The following GRIK4 variants were observed in gnomAD, a reference collection of about 807,000 sequenced individuals.
GRIK4 encodes glutamate ionotropic receptor kainate type subunit 4.
In GRIK4, 40 loss-of-function variants were observed where a neutral mutation model predicts 104.9. That is an observed-to-expected ratio of 0.38 (90% CI 0.30 to 0.50). The LOEUF (loss-of-function observed/expected upper bound fraction) is 0.50, where lower values mean the gene tolerates loss of function less well. Ranked by LOEUF, GRIK4 falls within the 20% of genes least tolerant of loss-of-function variation. The probability of loss-of-function intolerance (pLI) is 0.93; values close to 1 mark genes in which losing one functional copy is unlikely to be tolerated. For synonymous variants in GRIK4, 485 were observed against 524.9 expected, an observed-to-expected ratio of 0.92 and a Z score of 1.04; for missense variants, 1,047 against 1,308.1, an observed-to-expected ratio of 0.80 and a Z score of 3.08.
intron 1 of GRIK4, among the ~76,000 whole-genome samples, chr11:120,618,584 G>T (rs570107404): frequency 6.6e-6 from 1 of 152,216 alleles, no homozygotes; most frequent in Non-Finnish European, 1.5e-5. Context: ...AGGCCCAGAG[G>T]CCTAGGAGGA....
chr11:120,664,404 G>C (rs1173246257), intron 3 of GRIK4, among the ~76,000 whole-genome samples: 2 of 152,200 alleles, frequency 1.3e-5, no homozygotes, highest in African/African-American at 4.8e-5. Flanking sequence ...CAAGCACTGA[G>C]GATGCAGTGC....
At position 120,902,006 on chromosome 11, in the gene GRIK4, C is replaced by A. The variant is rs1447559418; in HGVS notation, c.1273-3284C>A. 3.3e-5 allele frequency among the ~76,000 whole-genome samples: 5 copies of A among 152,148 alleles called. No individual in the cohort carries two copies. Among genetic ancestry groups the A allele is most frequent in the Admixed American group, 3.3e-4 (5 of 15,274 alleles). ...GCGTGTGTGCCTACAGTGGCTGATCCAATTCGATAGCTCTTACCAGGAATG... is the reference window on the plus strand; with the variant it reads ...GCGTGTGTGCCTACAGTGGCTGATCAAATTCGATAGCTCTTACCAGGAATG... On this transcript the variant is annotated intron_variant, in intron 12 of 20. Transcript: ENST00000527524. The surrounding 1 kb of genome is among the most constrained non-coding windows in gnomAD (Gnocchi z 4.5).
intron 16 of GRIK4, among the ~76,000 whole-genome samples, chr11:120,958,082 C>T (rs1345186926): frequency 6.6e-6 from 1 of 152,228 alleles, no homozygotes; most frequent in Non-Finnish European, 1.5e-5. Context: ...CCACAACATC[C>T]GGGAACCTGG....
At chr11:120,897,627 AGAGTACATCTCATATTAAGTGTTCTTATC>A (rs1942621176) in intron 11 of GRIK4, among the ~76,000 whole-genome samples, 1 of 142,004 alleles carries the variant, frequency 7.0e-6, no homozygotes, top group Non-Finnish European at 1.5e-5. Flanking sequence ...AAAAAAAAAA[AGAGTACATCTCATATTAAGTGTTCTTATC>A]ACAATAAAAT....
At chr11:120,644,834 A>G (rs992247663) in intron 1 of GRIK4, among the ~76,000 whole-genome samples, 5 of 152,172 alleles carry the variant, frequency 3.3e-5, no homozygotes, top group African/African-American at 1.2e-4. Context: ...GAGCATGTTA[A>G]GAACTTGGTG....
chr11:120,708,450 C>A (rs1303303688), intron 3 of GRIK4, among the ~76,000 whole-genome samples: 1 of 152,138 alleles, frequency 6.6e-6, no homozygotes, highest in African/African-American at 2.4e-5. Context: ...CAGAAATAGC[C>A]TCCTACTTAA....
chr11:120,795,400 G>A (rs1952490871), intron 3 of GRIK4, among the ~76,000 whole-genome samples: 1 of 152,206 alleles, frequency 6.6e-6, no homozygotes. Flanking sequence ...TCCACCCTGC[G>A]GATCCCTGTG....
intron 1 of GRIK4, among the ~76,000 whole-genome samples, chr11:120,526,233 A>T (rs977301957): frequency 1.3e-5 from 2 of 151,720 alleles, no homozygotes; most frequent in African/African-American, 4.8e-5. Flanking sequence ...GGCAGGTCTC[A>T]CTCTGTCGCC....
chr11:120,513,330 C>T lies in GRIK4; in HGVS notation c.-159+1443C>T, dbSNP rs1028344493. Among the ~76,000 whole-genome samples, 1 of 152,054 alleles carries T rather than the reference C, an allele frequency of 6.6e-6. No homozygotes were observed. The highest frequency in any genetic ancestry group is 2.4e-5 in the African/African-American group (1 of 41,408). ...GCGTGGTATCTCCGGGGAGAGAGGCCGCCTGGGTTGGTAGTGGGCATCTGA... is the reference window on the plus strand; with the variant it reads ...GCGTGGTATCTCCGGGGAGAGAGGCTGCCTGGGTTGGTAGTGGGCATCTGA... On this transcript the variant is annotated intron_variant, in intron 1 of 20. Transcript: ENST00000527524. This position sits in a 1 kb window ranked among gnomAD's most constrained non-coding sequence, Gnocchi z 4.5.
intron 1 of GRIK4, among the ~76,000 whole-genome samples, chr11:120,624,617 AC>A (rs1268290798): frequency 6.6e-6 from 1 of 152,134 alleles, no homozygotes. Flanking sequence ...TCTGCAAGAC[AC>A]AATTGCAAGA....
intron 13 of GRIK4, among the ~76,000 whole-genome samples, chr11:120,922,479 C>T (rs1943245875): frequency 6.6e-6 from 1 of 152,226 alleles, no homozygotes; most frequent in Non-Finnish European, 1.5e-5. Context: ...AGTCCTGCTT[C>T]AAAGAATTCC....
intron 1 of GRIK4, among the ~76,000 whole-genome samples, chr11:120,551,178 G>A (rs1476119327): frequency 6.6e-6 from 1 of 152,132 alleles, no homozygotes; most frequent in Non-Finnish European, 1.5e-5. Flanking sequence ...GGTAGATTTG[G>A]TGGTGGGAAG....
chr11:120,744,481 A>T (rs887703184), intron 3 of GRIK4, among the ~76,000 whole-genome samples: 1 of 152,238 alleles, frequency 6.6e-6, no homozygotes, highest in African/African-American at 2.4e-5. Context: ...GCGTACAAGA[A>T]GGACAACAGG....
Position 120,649,135 on chromosome 11 carries a change from G to A in GRIK4, c.-158-4550G>A, listed in dbSNP as rs567487639. ...GAGCTTGGATGACTCTAGTGGCATA[G>A]GTCTCCGAACCTTCAGCAGGACACC... On this transcript the variant is annotated intron_variant, in intron 1 of 20. Coordinates refer to ENST00000527524, the MANE Select transcript of GRIK4 (RefSeq NM_014619.5). Among the ~76,000 whole-genome samples, 4 of 152,256 alleles carry A rather than the reference G, an allele frequency of 2.6e-5. No individual in the cohort carries two copies. In the South Asian group the frequency reaches 8.3e-4, roughly 32 times the overall value.
chr11:120,974,952 G>A (rs1291796540), intron 19 of GRIK4, among the ~76,000 whole-genome samples: 1 of 152,182 alleles, frequency 6.6e-6, no homozygotes, highest in Non-Finnish European at 1.5e-5. Context: ...CACAGATGCT[G>A]GCATCCCAAT....
chr11:120,540,681 C>G (rs993870897), intron 1 of GRIK4, among the ~76,000 whole-genome samples: 7 of 151,900 alleles, frequency 4.6e-5, no homozygotes, highest in African/African-American at 1.5e-4. Context: ...CTCACTAACA[C>G]CCAGGGGATC....
intron 1 of GRIK4, among the ~76,000 whole-genome samples, chr11:120,613,299 G>A (rs1591739181): frequency 1.3e-5 from 2 of 152,294 alleles, no homozygotes; most frequent in South Asian, 4.2e-4. Flanking sequence ...TGTACAAGAA[G>A]ACATGCCCCC....
At chr11:120,959,546 A>G (rs781180028) in intron 16 of GRIK4, among the ~76,000 whole-genome samples, 2 of 152,232 alleles carry the variant, frequency 1.3e-5, no homozygotes, top group Admixed American at 6.5e-5. Flanking sequence ...CTCCATCCCA[A>G]ACTGTGCTTA....
rs1467880223 is a variant in GRIK4, at chr11:120,511,806, GA to G, written c.-235del. 19 of 362,344 alleles carry G rather than the reference GA, an allele frequency of 5.2e-5. No individual in the cohort carries two copies. The highest frequency in any genetic ancestry group is 1.5e-4 in the East Asian group (1 of 6,594). 22.4% of individuals were successfully genotyped at this position (362,344 alleles called of 1,614,324 possible). On this transcript the variant is annotated 5_prime_UTR_variant, in exon 1 of 21. Coordinates refer to ENST00000527524, the MANE Select transcript of GRIK4 (RefSeq NM_014619.5). ...AGCCGCCACGGCTGCTGCGGAAGAG[GA>G]AAAACGGCCAACAGCAGCCCCGCGG...
Sources: gnomAD v4.1 joint callset for allele counts (sites outside exome capture counted in the v4.1 genomes callset) on GRCh38, gnomAD v4.1.1 for gene constraint, Gnocchi (gnomAD v3.1) non-coding constraint, MANE v1.5 for transcripts, NCBI Gene and HGNC (gene_info 2026-07-23, HGNC 2026-07-21) for gene names.